CYTH3: variants seen among roughly 807,000 people sequenced by gnomAD.
CYTH3 encodes the protein cytohesin 3, also known as cytohesin-3.
A neutral mutation model predicts 55.1 loss-of-function variants in CYTH3; 23 were observed. The observed-to-expected ratio is 0.42, with a 90% CI of 0.30 to 0.59. The LOEUF (loss-of-function observed/expected upper bound fraction) is 0.59, where lower values mean the gene tolerates loss of function less well. Ranked by LOEUF, CYTH3 falls within the 20% of genes least tolerant of loss-of-function variation. The pLI is 0.20. For synonymous variants in CYTH3, 249 were observed against 194.9 expected (o/e 1.28, Z -2.31); for missense variants, 413 against 524.8 (o/e 0.79, Z 2.08).
intron 1 of CYTH3, among the ~76,000 whole-genome samples, chr7:6,233,277 C>T (rs1461591994): frequency 6.6e-6 from 1 of 152,238 alleles, no homozygotes; most frequent in Admixed American, 6.5e-5. Context: ...CACACTGTTT[C>T]TCCTACTCCA....
chr7:6,170,277 G>GCTA lies in CYTH3; in HGVS notation c.823+255_823+257dup, dbSNP rs777782596. ...GAAGCTGCCCTGGCTGGATCTGGAT[G>GCTA]CTAACTCAGCAGTTTTCTGGGACGG... On this transcript the variant is annotated intron_variant, in intron 9 of 12. Coordinates refer to ENST00000350796, the MANE Select transcript of CYTH3 (RefSeq NM_004227.4). This position sits in a 1 kb window ranked among gnomAD's most constrained non-coding sequence, Gnocchi z 7.8. 3 of 502,172 alleles carry GCTA rather than the reference G, an allele frequency of 6.0e-6. No homozygotes were observed. The highest frequency in any genetic ancestry group is 1.1e-5 in the Non-Finnish European group (3 of 284,106). The allele number at this position is 502,172 out of a possible 1,614,324, so 31.1% of individuals were successfully genotyped here.
chr7:6,162,268 C>G lies in CYTH3; in HGVS notation c.*2676G>C, dbSNP rs931809661. On this transcript the variant is annotated 3_prime_UTR_variant, in exon 13 of 13. Coordinates refer to ENST00000350796, the MANE Select transcript of CYTH3 (RefSeq NM_004227.4). ...AGTACAATTAAACTCAAATATGAAC[C>G]AGGGCGGCCAGCAAGACAGGCTGGA... 1 of 152,240 alleles carries G rather than the reference C, an allele frequency of 6.6e-6. No homozygotes were observed. The highest frequency in any genetic ancestry group is 1.9e-4 in the East Asian group (1 of 5,190). 9.4% of individuals were successfully genotyped at this position (152,240 alleles called of 1,614,324 possible).
At chr7:6,259,772 T>TATATAATATATATATATATA (rs1491219669) in intron 1 of CYTH3, among the ~76,000 whole-genome samples, 1 of 30,496 alleles carries the variant, frequency 3.3e-5, no homozygotes, top group Non-Finnish European at 4.6e-5. Context: ...TATATATATA[T>TATATAATATATATATATATA]TATATATATA....
At chr7:6,203,213 G>C (rs1784099934) in intron 1 of CYTH3, among the ~76,000 whole-genome samples, 1 of 151,016 alleles carries the variant, frequency 6.6e-6, no homozygotes, top group African/African-American at 2.4e-5. Context: ...AAAAAATGTT[G>C]AAGATCTTAC....
chr7:6,175,543 GTCT>G, intron 5 of CYTH3, among the ~76,000 whole-genome samples: 1 of 106,112 alleles, frequency 9.4e-6, no homozygotes, highest in Non-Finnish European at 1.8e-5. Flanking sequence ...ATACACTTTA[GTCT>G]TTTTTTTTTT....
intron 1 of CYTH3, among the ~76,000 whole-genome samples, chr7:6,206,017 TTAAAA>T (rs537566602): frequency 3.0e-4 from 45 of 151,232 alleles, no homozygotes; most frequent in Non-Finnish European, 5.6e-4. Flanking sequence ...AAATCAATTA[TTAAAA>T]TAAAATCAAG....
chr7:6,182,927 C>G (rs1306064249), intron 4 of CYTH3, among the ~76,000 whole-genome samples: 1 of 152,130 alleles, frequency 6.6e-6, no homozygotes, highest in Non-Finnish European at 1.5e-5. Context: ...GGGTGTTTGT[C>G]TTTGTATTTT....
At chr7:6,208,941 C>G (rs1022409311) in intron 1 of CYTH3, among the ~76,000 whole-genome samples, 1 of 152,216 alleles carries the variant, frequency 6.6e-6, no homozygotes. Context: ...CCAAACCTAC[C>G]AAATCAGAAC....
At chr7:6,193,481 G>C (rs1783851444) in intron 1 of CYTH3, among the ~76,000 whole-genome samples, 1 of 151,444 alleles carries the variant, frequency 6.6e-6, no homozygotes, top group Non-Finnish European at 1.5e-5. Flanking sequence ...GAAACAGAAA[G>C]AACCGCCACA....
intron 1 of CYTH3, among the ~76,000 whole-genome samples, chr7:6,204,049 G>GA (rs113345169): frequency 0.036 from 4,147 of 115,976 alleles, 64 homozygotes; most frequent in Middle Eastern, 0.073. Context: ...GTTCACAATA[G>GA]AAAAAAAAAA....
At chr7:6,172,622 G>A (rs1583737952) in intron 6 of CYTH3, 10 of 802,376 alleles carry the variant, frequency 1.2e-5, no homozygotes, top group South Asian at 1.2e-4. Flanking sequence ...AGGCTCCCAC[G>A]GCTGTGGGAA....
chr7:6,176,254 AT>A lies in CYTH3; in HGVS notation c.368+1568del, dbSNP rs776819156. On this transcript the variant is annotated intron_variant, in intron 5 of 12. Transcript: ENST00000350796. ...TTGCTATTGTATAGAAATACAATTG[AT>A]TTTTTTTTTTTTTTTTTTTTTTTTG... is the stretch of plus-strand genomic sequence containing the variant. 6.2e-3 allele frequency among the ~76,000 whole-genome samples: 512 copies of A among 82,886 alleles called. 1 individual carries two copies. The highest frequency in any genetic ancestry group is 0.02 in the African/African-American group (382 of 18,834). 54.4% of individuals were successfully genotyped at this position (82,886 alleles called of 152,430 possible). A position where few individuals can be genotyped will look rare whatever the true frequency, so the allele number is the denominator to read the frequency against.
intron 1 of CYTH3, among the ~76,000 whole-genome samples, chr7:6,271,751 C>G (rs1344237364): frequency 6.6e-6 from 1 of 152,184 alleles, no homozygotes; most frequent in Non-Finnish European, 1.5e-5. Flanking sequence ...CACTCGGGAG[C>G]ACACCTGGCT....
At chr7:6,181,632 T>C (rs1783504672) in intron 4 of CYTH3, among the ~76,000 whole-genome samples, 1 of 152,244 alleles carries the variant, frequency 6.6e-6, no homozygotes, top group Non-Finnish European at 1.5e-5. Context: ...TGGCATTTGG[T>C]GGGGCCTTTG....
chr7:6,246,538 C>T (rs1399780459), intron 1 of CYTH3, among the ~76,000 whole-genome samples: 3 of 152,128 alleles, frequency 2.0e-5, no homozygotes, highest in Non-Finnish European at 4.4e-5. Flanking sequence ...GAACATCCTA[C>T]TTTGAATTTT....
chr7:6,168,741 C>T (rs1057431204), intron 9 of CYTH3, among the ~76,000 whole-genome samples: 1 of 152,248 alleles, frequency 6.6e-6, no homozygotes, highest in Non-Finnish European at 1.5e-5. Context: ...GGTTAGACAA[C>T]ACGAGCTCTG....
chr7:6,250,204 C>G (rs909052112), intron 1 of CYTH3, among the ~76,000 whole-genome samples: 1 of 152,148 alleles, frequency 6.6e-6, no homozygotes, highest in African/African-American at 2.4e-5. Flanking sequence ...CACTATTGGT[C>G]TTCAGAGAGA....
In CYTH3 at chr7:6,170,892, G is replaced by A. The variant is rs1783167881; in HGVS notation, c.649C>T (p.Arg217Trp). Residue 217 changes from arginine to tryptophan, a missense_variant, in exon 8 of 13, where the codon CGG becomes TGG. Physicochemically the swap from Arg to Trp is moderately radical, Grantham distance 101 (BLOSUM62 -3). Around this residue, in one of 4 missense-constraint regions of CYTH3, gnomAD observed 156 missense variants for 233.1 expected, o/e 0.67. Transcript: ENST00000350796. This position sits in a 1 kb window ranked among gnomAD's most constrained non-coding sequence, Gnocchi z 7.8. Reference protein sequence around the residue: ...HNVRDKPTAERFIAMNRGINE... With the variant: ...HNVRDKPTAEWFIAMNRGINE... ...ATGCCGCGGTTCATGGCGATGAACC[G>A]TTCTGCCGTGGGCTTGTCACGCACG... 2 of 1,613,876 alleles carry A rather than the reference G, an allele frequency of 1.2e-6. No homozygotes were observed. The highest frequency in any genetic ancestry group is 1.7e-6 in the Non-Finnish European group (2 of 1,179,878).
At chr7:6,188,584 G>A (rs1783717365) in intron 2 of CYTH3, 1 of 152,244 alleles carries the variant, frequency 6.6e-6, no homozygotes, top group Non-Finnish European at 1.5e-5. Flanking sequence ...TGAATGAGAT[G>A]AAGCACCATG....
Sources: allele counts gnomAD v4.1 joint callset (sites outside exome capture counted in the v4.1 genomes callset), GRCh38; gene constraint gnomAD v4.1.1; regional missense constraint gnomAD v4.1.1; non-coding constraint Gnocchi (gnomAD v3.1); transcripts MANE v1.5; gene names NCBI Gene and HGNC (gene_info 2026-07-23, HGNC 2026-07-21).